The following MERTK variants were observed in gnomAD, a reference collection of about 807,000 sequenced individuals.
MERTK encodes MER proto-oncogene, tyrosine kinase, also known as tyrosine-protein kinase Mer.
A neutral mutation model predicts 99.3 loss-of-function variants in MERTK; 69 were observed. That is an observed-to-expected ratio of 0.70 (90% CI 0.57 to 0.85). MERTK has a LOEUF of 0.85. MERTK is among the 40% of genes least tolerant of loss of function. The pLI is 0.00. For synonymous variants in MERTK, 426 were observed against 467.6 expected, an observed-to-expected ratio of 0.91 and a Z score of 1.15; for missense variants, 1,125 against 1,249.4, an observed-to-expected ratio of 0.90 and a Z score of 1.50.
At chr2:111,968,546 G>C (rs1553452697) in intron 6 of MERTK, among the ~76,000 whole-genome samples, 1 of 150,326 alleles carries the variant, frequency 6.7e-6, no homozygotes, top group South Asian at 2.1e-4. Context: ...TTGAGACAAA[G>C]TTTTACTCTT....
chr2:111,964,398 T>TGTGTGTGC (rs771063715), intron 4 of MERTK, among the ~76,000 whole-genome samples: 6 of 81,138 alleles, frequency 7.4e-5, no homozygotes, highest in Admixed American at 2.3e-4. Flanking sequence ...TGTGTGTGTG[T>TGTGTGTGC]GCGCGCGCGC....
chr2:112,013,117 T>G (rs1257252037), intron 15 of MERTK: 1 of 152,530 alleles, frequency 6.6e-6, no homozygotes, highest in African/African-American at 2.4e-5. Context: ...TTTTTTCCAG[T>G]TCCCCCCTGG....
chr2:111,975,175 G>A, intron 6 of MERTK, 114 bp from the exon 7 acceptor site: 1 of 985,572 alleles, frequency 1.0e-6, no homozygotes, highest in Non-Finnish European at 1.6e-6. Flanking sequence ...AAGGAAGCAG[G>A]TCCTTCCCCT....
intron 6 of MERTK, among the ~76,000 whole-genome samples, chr2:111,972,669 C>T (rs1676148317): frequency 6.6e-6 from 1 of 152,272 alleles, no homozygotes; most frequent in South Asian, 2.1e-4. Flanking sequence ...TTCATCCTTT[C>T]TCCTTTCCAT....
rs1684844895 is a variant in MERTK, at chr2:111,940,599, A to C, written c.483-4361A>C. ...CCTTAAGCATTACCAGGCAATCATCATGACATTGAACCTGAAGCAGGTTAG... is the reference window on the plus strand; with the variant it reads ...CCTTAAGCATTACCAGGCAATCATCCTGACATTGAACCTGAAGCAGGTTAG... On this transcript the variant is annotated intron_variant, in intron 2 of 18. Transcript: ENST00000295408. 6.1e-6 allele frequency: 4 copies of C among 653,536 alleles called. No individual in the cohort carries two copies. In the African/African-American group the frequency reaches 7.1e-5, roughly 12 times the overall value. The allele number at this position is 653,536 out of a possible 1,614,324, so 40.5% of individuals were successfully genotyped here.
chr2:111,995,824 G>A (rs147884236), intron 9 of MERTK, among the ~76,000 whole-genome samples: 1 of 152,222 alleles, frequency 6.6e-6, no homozygotes, highest in Non-Finnish European at 1.5e-5. Context: ...GCAGGGTGTG[G>A]TGGCATGCGC....
At chr2:111,938,139 C>T (rs113415773) in intron 2 of MERTK, among the ~76,000 whole-genome samples, 32,659 of 152,076 alleles carry the variant, frequency 0.21, 4,045 homozygotes, top group South Asian at 0.32. Flanking sequence ...CGCAGTGGTG[C>T]GATCACGGCT....
chr2:111,959,452 CGTTT>C lies in MERTK; in HGVS notation c.758-5722_758-5719del, dbSNP rs58897094. On this transcript the variant is annotated intron_variant, in intron 4 of 18. Transcript: ENST00000295408. The stretch of plus-strand genomic sequence containing the variant: ...TCAATGCTTTGGTCTCAAGATCCTT[CGTTT>C]GTTTGTTTGTTTGTTTCTTTTTGGT... Among the ~76,000 whole-genome samples the C allele has an allele frequency of 8.2e-3, 1,249 of 151,878 alleles. 10 individuals carry two copies. The highest frequency in any genetic ancestry group is 0.018 in the African/African-American group (758 of 41,398).
intron 1 of MERTK, among the ~76,000 whole-genome samples, chr2:111,920,087 T>C (rs1179856170): frequency 1.3e-5 from 2 of 152,204 alleles, no homozygotes; most frequent in African/African-American, 4.8e-5. Context: ...TAAATGATAC[T>C]AAGTTATATT....
chr2:111,907,622 G>A (rs1421062218), intron 1 of MERTK, among the ~76,000 whole-genome samples: 1 of 152,082 alleles, frequency 6.6e-6, no homozygotes, highest in Non-Finnish European at 1.5e-5. Flanking sequence ...CAGAGGGATG[G>A]ACTAAGCTTT....
At chr2:111,950,080 G>A (rs952933010) in intron 4 of MERTK, among the ~76,000 whole-genome samples, 14 of 152,134 alleles carry the variant, frequency 9.2e-5, no homozygotes, top group Admixed American at 5.2e-4. Context: ...CGAATTACAG[G>A]CACCTGCCAC....
intron 18 of MERTK, among the ~76,000 whole-genome samples, chr2:112,027,296 ATGTGTGTGTG>A (rs201734486): frequency 1.4e-5 from 2 of 146,750 alleles, no homozygotes; most frequent in Non-Finnish European, 3.0e-5. Context: ...GTGTGTGTAT[ATGTGTGTGTG>A]TGTGTATATA....
chr2:111,928,895 G>C lies in MERTK; in HGVS notation c.62-225G>C, dbSNP rs555241614. Among the ~76,000 whole-genome samples the C allele has an allele frequency of 4.6e-5, 7 of 152,256 alleles. No homozygotes were observed. The East Asian group carries it at 1.4e-3, about 29-fold the overall frequency. ...TAATAAGAAAATTTTTATTTTTGGTGGGGGTGGTTACATTTCTTCAGGACT... is the reference window on the plus strand; with the variant it reads ...TAATAAGAAAATTTTTATTTTTGGTCGGGGTGGTTACATTTCTTCAGGACT... On this transcript the variant is annotated intron_variant, in intron 1 of 18. Transcript: ENST00000295408.
chr2:111,956,120 A>G (rs920952835), intron 4 of MERTK, among the ~76,000 whole-genome samples: 2 of 152,168 alleles, frequency 1.3e-5, no homozygotes, highest in African/African-American at 4.8e-5. Flanking sequence ...AGTATTAAAA[A>G]AAAAAAGTTA....
intron 16 of MERTK, among the ~76,000 whole-genome samples, chr2:112,020,246 T>A (rs1677311449): frequency 6.6e-6 from 1 of 151,880 alleles, no homozygotes; most frequent in Admixed American, 6.6e-5. Context: ...ACTAAAGGGG[T>A]TTTGGTTTTG....
chr2:111,908,990 T>C lies in MERTK; in HGVS notation c.61+10194T>C, dbSNP rs192681715. ...TAAACATATTTCTCAAAAGAAGAAA[T>C]ACAAATGGCTAACAGATAAATATAT... On this transcript the variant is annotated intron_variant, in intron 1 of 18. Transcript: ENST00000295408. Among the ~76,000 whole-genome samples, 243 of 152,286 alleles carry C rather than the reference T, an allele frequency of 1.6e-3. 2 individuals carry two copies. The highest frequency in any genetic ancestry group is 7.0e-3 in the South Asian group (34 of 4,830).
chr2:112,018,555 G>GA (rs1347385055), intron 15 of MERTK, among the ~76,000 whole-genome samples: 3 of 152,130 alleles, frequency 2.0e-5, no homozygotes, highest in African/African-American at 7.2e-5. Context: ...CTCATGTTTG[G>GA]AAAGGAAGCC....
intron 15 of MERTK, chr2:112,013,328 T>C (rs1573641117): frequency 6.5e-6 from 1 of 154,376 alleles, no homozygotes; most frequent in Non-Finnish European, 1.5e-5. Context: ...CCTTCTCTTT[T>C]TCCCCCAAAA....
intron 1 of MERTK, among the ~76,000 whole-genome samples, chr2:111,911,130 C>T (rs1684239598): frequency 6.6e-6 from 1 of 152,052 alleles, no homozygotes; most frequent in South Asian, 2.1e-4. Flanking sequence ...AAGTTGCCAC[C>T]CTGAATGAGA....
Sources: allele counts gnomAD v4.1 joint callset (sites outside exome capture counted in the v4.1 genomes callset), GRCh38; gene constraint gnomAD v4.1.1; transcripts MANE v1.5; gene names NCBI Gene and HGNC (gene_info 2026-07-23, HGNC 2026-07-21).